CAT: variants seen among roughly 807,000 people sequenced by gnomAD.
The protein encoded by CAT is epididymis secretory sperm binding protein.
Under a neutral mutation model 59.0 loss-of-function variants are expected in CAT, and 43 were observed. The observed-to-expected ratio is 0.73, with a 90% confidence interval of 0.57 to 0.94. The LOEUF (loss-of-function observed/expected upper bound fraction) is 0.94. Ranked by LOEUF, CAT falls within the 40% of genes least tolerant of loss-of-function variation. CAT has a pLI of 0.00. For synonymous variants in CAT, 218 were observed against 230.9 expected, an observed-to-expected ratio of 0.94 and a Z score of 0.51; for missense variants, 664 against 682.9, an observed-to-expected ratio of 0.97 and a Z score of 0.31.
chr11:34,441,930 C>G (rs1283319234), intron 1 of CAT, among the ~76,000 whole-genome samples: 1 of 152,190 alleles, frequency 6.6e-6, no homozygotes, highest in African/African-American at 2.4e-5. Flanking sequence ...TTATGAGAAA[C>G]TGCTGAGCCT....
chr11:34,471,110 C>A, intron 12 of CAT, 69 bp downstream of exon 12: 1 of 1,300,216 alleles, frequency 7.7e-7, no homozygotes. Context: ...GACTTAGTTA[C>A]CACTTAGCAT....
At chr11:34,448,904 G>A (rs17886008) in intron 1 of CAT, among the ~76,000 whole-genome samples, 2,195 of 152,234 alleles carry the variant, frequency 0.014, 44 homozygotes, top group African/African-American at 0.049. Flanking sequence ...GAACCCAGTG[G>A]CTTTCTCTGG....
At chr11:34,466,758 G>A (rs2133859517) in intron 10 of CAT, among the ~76,000 whole-genome samples, 1 of 133,302 alleles carries the variant, frequency 7.5e-6, no homozygotes, top group East Asian at 2.3e-4. Context: ...TCCAGCCTGG[G>A]CGACAGAGCG....
In CAT at chr11:34,438,974, C is replaced by G. The variant is rs1020187286; in HGVS notation, c.-40C>G. 1.9e-6 allele frequency: 3 copies of G among 1,544,612 alleles called. No individual in the cohort carries two copies. Among genetic ancestry groups the G allele is most frequent in the Non-Finnish European group, 2.6e-6 (3 of 1,138,238 alleles). The stretch of plus-strand genomic sequence containing the variant: ...CTGCTGAGGGTGGAGACCCACGAGC[C>G]GAGGCCTCCTGCAGTGTTCTGCACA... On this transcript the variant is annotated 5_prime_UTR_variant, in exon 1 of 13. Coordinates refer to ENST00000241052, the MANE Select transcript of CAT (RefSeq NM_001752.4).
intron 2 of CAT, among the ~76,000 whole-genome samples, chr11:34,450,349 ACTTT>A (rs1037754543): frequency 6.6e-6 from 1 of 152,120 alleles, no homozygotes; most frequent in African/African-American, 2.4e-5. Context: ...TTTCTGTAAA[ACTTT>A]CTTTATCGCT....
rs1017371314 is a variant in CAT, at chr11:34,450,139, T to C, written c.238+776T>C. ...ATAGATTTTTTTCTCATCAACGTTA[T>C]AATGAAACAACGTTGAACAAAACAA... On this transcript the variant is annotated intron_variant, in intron 2 of 12. Coordinates refer to ENST00000241052, the MANE Select transcript of CAT (RefSeq NM_001752.4). Among the ~76,000 whole-genome samples, 47 of 152,174 alleles carry C rather than the reference T, an allele frequency of 3.1e-4. 1 individual carries two copies. Among genetic ancestry groups the C allele is most frequent in the African/African-American group, 1.0e-3 (43 of 41,442 alleles).
intron 11 of CAT, chr11:34,468,604 G>A (rs1856744489): frequency 1.6e-6 from 1 of 609,096 alleles, no homozygotes; most frequent in African/African-American, 1.8e-5. Flanking sequence ...GTCCTTAGCT[G>A]TTTGTCCAGT....
chr11:34,460,904 G>A (rs922369813), intron 8 of CAT: 9 of 328,832 alleles, frequency 2.7e-5, no homozygotes, highest in Non-Finnish European at 5.3e-5. Context: ...TAACGTTCTA[G>A]CACATTTATT....
chr11:34,449,312 C>T lies in CAT; in HGVS notation c.187C>T (p.His63Tyr), dbSNP rs1402522059. The T allele has an allele frequency of 1.2e-6, 2 of 1,614,010 alleles. No individual in the cohort carries two copies. The highest frequency in any genetic ancestry group is 2.2e-5 in the East Asian group (1 of 44,890). Residue 63 changes from histidine (H) to tyrosine (Y), a missense_variant, in exon 2 of 13, where the codon CAT becomes TAT. Physicochemically the swap from His to Tyr is moderately conservative, Grantham distance 83. Coordinates refer to ENST00000241052, the MANE Select transcript of CAT (RefSeq NM_001752.4). ...QDVVFTDEMA[H>Y]FDRERIPERV... ...TGTGGTTTTCACTGATGAAATGGCT[C>T]ATTTTGACCGAGAGAGAATTCCTGA...
intron 3 of CAT, among the ~76,000 whole-genome samples, chr11:34,451,429 G>T (rs921420262): frequency 2.6e-5 from 4 of 152,152 alleles, no homozygotes; most frequent in African/African-American, 9.7e-5. Context: ...CCTTTATTGA[G>T]AATTAATTCT....
chr11:34,466,029 C>T (rs1856711014), intron 10 of CAT, among the ~76,000 whole-genome samples: 1 of 152,152 alleles, frequency 6.6e-6, no homozygotes, highest in South Asian at 2.1e-4. Context: ...ACAGCAGTCT[C>T]ATGAGTCTGA....
intron 5 of CAT, 126 bp downstream of exon 5, chr11:34,453,320 G>A (rs925208552): frequency 2.0e-5 from 15 of 758,894 alleles, no homozygotes; most frequent in African/African-American, 1.9e-4. Flanking sequence ...TTTCTTGATC[G>A]TGAAGAGTTT....
chr11:34,456,636 G>T, intron 7 of CAT, 29 bp from the exon 8 acceptor site: 2 of 1,610,350 alleles, frequency 1.2e-6, no homozygotes, highest in South Asian at 2.2e-5. Context: ...TTGATTGCCT[G>T]GTAATTGTGA....
intron 11 of CAT, among the ~76,000 whole-genome samples, chr11:34,469,179 T>A (rs1856749945): frequency 6.6e-6 from 1 of 152,190 alleles, no homozygotes; most frequent in African/African-American, 2.4e-5. Flanking sequence ...CCCTTTTTCC[T>A]TGGCCCCTAG....
chr11:34,455,708 G>T (rs1856580239), intron 6 of CAT, among the ~76,000 whole-genome samples: 1 of 152,054 alleles, frequency 6.6e-6, no homozygotes, highest in South Asian at 2.1e-4. Context: ...TGATTTTTCT[G>T]ATTTGGAAAG....
At position 34,471,639 on chromosome 11, in the gene CAT, A is replaced by T. The variant is rs1341009816; in HGVS notation, c.*206A>T. On this transcript the variant is annotated 3_prime_UTR_variant, in exon 13 of 13. Transcript: ENST00000241052. ...GAAGGTTAGGATTTAACAGTCATTT[A>T]AAAAAAAAATTTGTTTTGACGGATG... The T allele has an allele frequency of 6.4e-6, 3 of 465,598 alleles. No homozygotes were observed. The highest frequency in any genetic ancestry group is 2.0e-5 in the African/African-American group (1 of 49,866). 28.8% of individuals were successfully genotyped at this position (465,598 alleles called of 1,614,324 possible).
intron 8 of CAT, among the ~76,000 whole-genome samples, chr11:34,457,282 G>C (rs1205329042): frequency 7.4e-6 from 1 of 135,544 alleles, no homozygotes; most frequent in Non-Finnish European, 1.5e-5. Context: ...GCATGATCTC[G>C]GCTCACTGCA....
chr11:34,464,920 A>C (rs550896315), intron 10 of CAT, among the ~76,000 whole-genome samples: 1 of 151,634 alleles, frequency 6.6e-6, no homozygotes, highest in Non-Finnish European at 1.5e-5. Flanking sequence ...AATCCTATTG[A>C]CTTGGCTAAT....
intron 4 of CAT, 79 bp downstream of exon 4, chr11:34,452,286 A>C (rs1856533374): frequency 7.3e-7 from 1 of 1,377,976 alleles, no homozygotes; most frequent in Non-Finnish European, 1.0e-6. Context: ...TTTGAGGAGA[A>C]GCCGTGGGAA....
Sources: allele counts gnomAD v4.1 joint callset (sites outside exome capture counted in the v4.1 genomes callset), GRCh38; gene constraint gnomAD v4.1.1; transcripts MANE v1.5; gene names NCBI Gene and HGNC (gene_info 2026-07-23, HGNC 2026-07-21).